Variants in SEMA6A observed in about 807,000 individuals in gnomAD.
The protein encoded by SEMA6A is semaphorin-6A.
SEMA6A carries 25 observed loss-of-function variants against 96.8 expected under a neutral mutation model. The observed-to-expected ratio is 0.26, with a 90% confidence interval of 0.19 to 0.36. SEMA6A has a LOEUF of 0.36. Ranked by LOEUF, SEMA6A falls within the 10% of genes least tolerant of loss-of-function variation. SEMA6A has a pLI of 1.00. For missense variants in SEMA6A, 1,363 were observed against 1,323.1 expected (o/e 1.03, Z -0.47); for synonymous variants, 612 against 518.0 (o/e 1.18, Z -2.46).
chr5:116,544,316 T>C (rs1760095883), intron 1 of SEMA6A, among the ~76,000 whole-genome samples: 1 of 151,138 alleles, frequency 6.6e-6, no homozygotes, highest in South Asian at 2.2e-4. Flanking sequence ...GGAGACATGG[T>C]CTTACTCTGT....
At chr5:116,447,865 G>C in intron 18 of SEMA6A, 54 bp from the exon 19 acceptor site, 2 of 1,415,666 alleles carry the variant, frequency 1.4e-6, no homozygotes, top group Non-Finnish European at 1.9e-6. Flanking sequence ...CCCGAGGCTT[G>C]TTTTTGCTTG....
chr5:116,452,369 T>C (rs1754691650), intron 18 of SEMA6A, among the ~76,000 whole-genome samples: 1 of 152,028 alleles, frequency 6.6e-6, no homozygotes, highest in South Asian at 2.1e-4. Flanking sequence ...TAGAGATTTC[T>C]CTGAAATCAT....
chr5:116,551,317 TACAC>T (rs66523615), intron 1 of SEMA6A, among the ~76,000 whole-genome samples: 7,438 of 142,488 alleles, frequency 0.052, 213 homozygotes, highest in Non-Finnish European at 0.065. Flanking sequence ...AGTCTTAGCA[TACAC>T]ACACACACAC....
At chr5:116,503,797 A>G (rs192363482) in intron 2 of SEMA6A, among the ~76,000 whole-genome samples, 71 of 152,046 alleles carry the variant, frequency 4.7e-4, no homozygotes, top group East Asian at 1.6e-3. Context: ...TTACAGGCGT[A>G]AGCCACCGCG....
intron 1 of SEMA6A, among the ~76,000 whole-genome samples, chr5:116,527,394 T>C (rs1056630400): frequency 5.3e-5 from 8 of 152,134 alleles, no homozygotes; most frequent in Non-Finnish European, 8.8e-5. Context: ...GTTTGCAAAA[T>C]AAAATAAACT....
intron 1 of SEMA6A, among the ~76,000 whole-genome samples, chr5:116,566,287 G>A (rs956104523): frequency 2.0e-5 from 3 of 152,128 alleles, no homozygotes; most frequent in Admixed American, 1.3e-4. Context: ...TTTTTAATTG[G>A]CATGGATTCT....
intron 1 of SEMA6A, among the ~76,000 whole-genome samples, chr5:116,568,296 A>G (rs1392546970): frequency 6.6e-6 from 1 of 152,218 alleles, no homozygotes; most frequent in African/African-American, 2.4e-5. Context: ...TAGGTTTACT[A>G]TTTATAATTT....
intron 18 of SEMA6A, among the ~76,000 whole-genome samples, chr5:116,451,757 T>A (rs75596974): frequency 3.4e-5 from 2 of 58,562 alleles, no homozygotes; most frequent in South Asian, 1.2e-3. Flanking sequence ...TGGAAATAAA[T>A]TCTATCTCCA....
intron 18 of SEMA6A, among the ~76,000 whole-genome samples, chr5:116,467,251 A>G (rs913920473): frequency 6.6e-6 from 1 of 152,134 alleles, no homozygotes; most frequent in Non-Finnish European, 1.5e-5. Context: ...ATGGTGGGAA[A>G]AGACGGTCCA....
At chr5:116,533,790 C>A (rs73780326) in intron 1 of SEMA6A, among the ~76,000 whole-genome samples, 14,165 of 152,116 alleles carry the variant, frequency 0.093, 882 homozygotes, top group African/African-American at 0.18. Context: ...GTCCTGGGGC[C>A]AGCAGCCCTC....
Position 116,446,453 on chromosome 5 carries a change from G to T in SEMA6A, c.*160C>A, listed in dbSNP as rs933577891. 15 of 575,206 alleles carry T rather than the reference G, an allele frequency of 2.6e-5. No individual in the cohort carries two copies. Among genetic ancestry groups the T allele is most frequent in the African/African-American group, 2.1e-4 (11 of 53,124 alleles). The allele number at this position is 575,206 out of a possible 1,614,324, so 35.6% of individuals were successfully genotyped here. A position where few individuals can be genotyped will look rare whatever the true frequency, so the allele number is the denominator to read the frequency against. ...CACCAAACCACGCGGCCCAGTTTTC[G>T]TGAGTACCCCTGTGTCCCAGAGAGG... is the stretch of plus-strand genomic sequence containing the variant. On this transcript the variant is annotated 3_prime_UTR_variant, in exon 19 of 19. Transcript: ENST00000343348.
intron 1 of SEMA6A, chr5:116,550,090 T>C (rs1295688710): frequency 6.6e-6 from 1 of 152,168 alleles, no homozygotes; most frequent in Non-Finnish European, 1.5e-5. Flanking sequence ...AAAGAGTTAA[T>C]TTTTTTAGAG....
intron 1 of SEMA6A, among the ~76,000 whole-genome samples, chr5:116,524,739 A>G (rs1355508605): frequency 4.5e-5 from 3 of 67,134 alleles, no homozygotes; most frequent in Admixed American, 2.0e-4. Flanking sequence ...CTAACCTCCT[A>G]TAGAATGTGT....
At chr5:116,490,145 A>G (rs1485961880) in intron 7 of SEMA6A, among the ~76,000 whole-genome samples, 1 of 152,188 alleles carries the variant, frequency 6.6e-6, no homozygotes, top group Admixed American at 6.5e-5. Context: ...GTCCAGGTTC[A>G]ATTTAGAGAT....
rs1754143447 is a variant in SEMA6A at position 116,445,820 on chromosome 5, A to G, written c.*793T>C. On this transcript the variant is annotated 3_prime_UTR_variant, in exon 19 of 19. Coordinates refer to ENST00000343348, the MANE Select transcript of SEMA6A (RefSeq NM_020796.5). ...CCAGTTAATGGATTTCACGTTAAAT[A>G]GTTTAACTTTCAATGGGCTTTCTGA... The G allele has an allele frequency of 6.5e-6, 1 of 152,692 alleles. No homozygotes were observed. The highest frequency in any genetic ancestry group is 6.5e-5 in the Admixed American group (1 of 15,284). The allele number at this position is 152,692 out of a possible 1,614,324, so 9.5% of individuals were successfully genotyped here.
At chr5:116,546,291 C>T (rs1456545700) in intron 1 of SEMA6A, among the ~76,000 whole-genome samples, 1 of 152,224 alleles carries the variant, frequency 6.6e-6, no homozygotes, top group East Asian at 1.9e-4. Flanking sequence ...TAATGACTTC[C>T]CTGAGACACT....
At chr5:116,455,338 G>T (rs763558243) in intron 18 of SEMA6A, among the ~76,000 whole-genome samples, 2 of 152,184 alleles carry the variant, frequency 1.3e-5, no homozygotes, top group African/African-American at 4.8e-5. Flanking sequence ...TCATGTGTTA[G>T]AACTGTTACT....
At chr5:116,558,250 A>C (rs1760681831) in intron 1 of SEMA6A, among the ~76,000 whole-genome samples, 2 of 152,180 alleles carry the variant, frequency 1.3e-5, no homozygotes, top group African/African-American at 4.8e-5. Flanking sequence ...CACAAAGAAA[A>C]ATGTAACATG....
rs563967229 is a variant in SEMA6A, at chr5:116,473,096, G to A, written c.1709-3C>T. On this transcript the variant is annotated splice_region_variant and splice_polypyrimidine_tract_variant and intron_variant, in intron 16 of 18. Coordinates refer to ENST00000343348, the MANE Select transcript of SEMA6A (RefSeq NM_020796.5). Reference sequence around the variant, plus strand: ...ACCATTCAGTGCCACAAAGGAATCTGAAAGACAAAAGGGAGGAGAAGGTTA... The same window carrying A: ...ACCATTCAGTGCCACAAAGGAATCTAAAAGACAAAAGGGAGGAGAAGGTTA... 1.3e-6 allele frequency: 2 copies of A among 1,593,294 alleles called. No individual in the cohort carries two copies. The highest frequency in any genetic ancestry group is 2.3e-5 in the East Asian group (1 of 44,172).
Sources: allele counts gnomAD v4.1 joint callset (sites outside exome capture counted in the v4.1 genomes callset), GRCh38; gene constraint gnomAD v4.1.1; transcripts MANE v1.5; gene names NCBI Gene and HGNC (gene_info 2026-07-23, HGNC 2026-07-21).